Variants in ZNF738 observed in about 807,000 individuals in gnomAD.
ZNF738 encodes the protein zinc finger protein 738, also known as protein ZNF738.
In ZNF738, 10 loss-of-function variants were observed where a neutral mutation model predicts 9.2. That is an observed-to-expected ratio of 1.09 (90% CI 0.67 to 1.85). ZNF738 has a LOEUF of 1.85. Among genes scored for constraint, ZNF738 ranks in the 40% most tolerant of loss-of-function variants. ZNF738 has a pLI of 0.00. For missense variants in ZNF738, 346 were observed against 283.6 expected (o/e 1.22, Z -1.58); for synonymous variants, 113 against 94.5 (o/e 1.20, Z -1.14).
chr19:21,367,039 C>G (rs6511231), intron 2 of ZNF738, among the ~76,000 whole-genome samples: 86,087 of 152,062 alleles, frequency 0.57, 24,669 homozygotes, highest in Middle Eastern at 0.69. Context: ...CTGTGTACCT[C>G]TGACAGATTC....
intron 2 of ZNF738, among the ~76,000 whole-genome samples, chr19:21,374,331 T>C (rs1001417488): frequency 1.3e-5 from 2 of 152,216 alleles, no homozygotes; most frequent in Non-Finnish European, 2.9e-5. Context: ...TTACAGAACA[T>C]AGAAGATATC....
chr19:21,381,619 G>A (rs1006702067), intron 4 of ZNF738: 8 of 519,248 alleles, frequency 1.5e-5, no homozygotes, highest in East Asian at 3.4e-5. Flanking sequence ...TCAGCATCCC[G>A]AGTAGCTGGG....
rs1420888822 is a variant in ZNF738 at position 21,383,192 on chromosome 19, C to CT, written c.650dup (p.Leu217PhefsTer7). 6.3e-7 allele frequency: 1 copy of CT among 1,599,790 alleles called. No individual in the cohort carries two copies. The highest frequency in any genetic ancestry group is 2.2e-5 in the East Asian group (1 of 44,576). On this transcript the variant is annotated frameshift_variant, in exon 5 of 5. Coordinates refer to ENST00000683779, the MANE Select transcript of ZNF738 (RefSeq NM_001355237.2). LOFTEE classifies it low-confidence loss of function (END_TRUNC). ...AAAATGTGGCAAATCATTTTGCATG[C>CT]TTTTACACCTAGGTCAACATAAAAT...
At chr19:21,369,626 T>C (rs1401612853) in intron 2 of ZNF738, among the ~76,000 whole-genome samples, 1 of 152,194 alleles carries the variant, frequency 6.6e-6, no homozygotes, top group Non-Finnish European at 1.5e-5. Flanking sequence ...CACCATTTAT[T>C]AAATACAGAA....
chr19:21,368,521 T>TCA (rs1973816419), intron 2 of ZNF738, among the ~76,000 whole-genome samples: 1 of 152,038 alleles, frequency 6.6e-6, no homozygotes, highest in Non-Finnish European at 1.5e-5. Flanking sequence ...AGTGCAATGG[T>TCA]GCTATCTCGG....
intron 4 of ZNF738, chr19:21,377,885 T>G (rs1229865838): frequency 7.8e-6 from 3 of 382,832 alleles, no homozygotes; most frequent in Middle Eastern, 6.6e-4. Context: ...ACTAATTTTT[T>G]TTGTTGTTCT....
At chr19:21,382,239 CTTCTT>C (rs1334025269) in intron 4 of ZNF738, among the ~76,000 whole-genome samples, 1 of 142,552 alleles carries the variant, frequency 7.0e-6, no homozygotes, top group African/African-American at 2.6e-5. Context: ...TGGCAATTTA[CTTCTT>C]TTTGTTTTTT....
chr19:21,376,245 C>T, intron 4 of ZNF738: 1 of 285,100 alleles, frequency 3.5e-6, no homozygotes, highest in Non-Finnish European at 6.7e-6. Context: ...CTCTTCATGG[C>T]ATATAAAAGA....
intron 1 of ZNF738, among the ~76,000 whole-genome samples, chr19:21,359,558 G>A (rs973618238): frequency 6.6e-6 from 1 of 152,140 alleles, no homozygotes; most frequent in African/African-American, 2.4e-5. Flanking sequence ...GGGAGTCACT[G>A]CAAAAATATT....
At position 21,387,150 on chromosome 19, in the gene ZNF738, T is replaced by G. The variant is rs1256235018; in HGVS notation, c.*3476T>G. On this transcript the variant is annotated 3_prime_UTR_variant, in exon 5 of 5. Transcript: ENST00000683779. ...ATATTGGTGAGAAATCCTAGAAATG[T>G]GAAGAATGTGACAAAGTCTTTAAAT... 1 of 153,706 alleles carries G rather than the reference T, an allele frequency of 6.5e-6. No homozygotes were observed. The highest frequency in any genetic ancestry group is 1.9e-4 in the East Asian group (1 of 5,200). The allele number at this position is 153,706 out of a possible 1,614,324, so 9.5% of individuals were successfully genotyped here.
At chr19:21,373,027 C>A (rs1263036812) in intron 2 of ZNF738, among the ~76,000 whole-genome samples, 1 of 152,172 alleles carries the variant, frequency 6.6e-6, no homozygotes, top group African/African-American at 2.4e-5. Context: ...CTTTCTCTAA[C>A]TAATGCTAAT....
rs1288923217 is a variant in ZNF738, at chr19:21,387,011, C to T, written c.*3337C>T. On this transcript the variant is annotated 3_prime_UTR_variant, in exon 5 of 5. Transcript: ENST00000683779. ...TGAGCCACCACGCTCAGCCACTAGT[C>T]CTCAGATCTTAACACACATAAGATA... The T allele has an allele frequency of 6.6e-6, 1 of 150,776 alleles. No homozygotes were observed. The highest frequency in any genetic ancestry group is 2.4e-5 in the African/African-American group (1 of 40,822). The allele number at this position is 150,776 out of a possible 1,614,324, so 9.3% of individuals were successfully genotyped here.
At chr19:21,379,491 C>T (rs1403342713) in intron 4 of ZNF738, among the ~76,000 whole-genome samples, 1 of 152,160 alleles carries the variant, frequency 6.6e-6, no homozygotes, top group Non-Finnish European at 1.5e-5. Flanking sequence ...AGTAATCACT[C>T]ACTGCACCTG....
At chr19:21,365,723 T>G (rs12972580) in intron 2 of ZNF738, among the ~76,000 whole-genome samples, 85,930 of 151,916 alleles carry the variant, frequency 0.57, 24,594 homozygotes, top group Middle Eastern at 0.68. Flanking sequence ...CTGAGAAGCC[T>G]AGGCGGGTGG....
At chr19:21,367,334 T>A (rs1973797063) in intron 2 of ZNF738, among the ~76,000 whole-genome samples, 1 of 152,136 alleles carries the variant, frequency 6.6e-6, no homozygotes, top group Non-Finnish European at 1.5e-5. Flanking sequence ...ATAATTGAAC[T>A]TGAGAAAGGG....
chr19:21,387,345 C>G lies in ZNF738; in HGVS notation c.*3671C>G, dbSNP rs568585137. Among the ~76,000 whole-genome samples, 1 of 152,130 alleles carries G rather than the reference C, an allele frequency of 6.6e-6. No homozygotes were observed. Among genetic ancestry groups the G allele is most frequent in the Non-Finnish European group, 1.5e-5 (1 of 68,036 alleles). On this transcript the variant is annotated 3_prime_UTR_variant, in exon 5 of 5. Transcript: ENST00000683779. ...CTGGGATTACAGGCACCTGCCACCA[C>G]GCCTGGCTAATTTTTGTACTTTTAG...
chr19:21,382,938 T>TGA lies in ZNF738; in HGVS notation c.397_398dup (p.Tyr134AsnfsTer12). 1.7e-6 allele frequency: 1 copy of TGA among 596,444 alleles called. No individual in the cohort carries two copies. The highest frequency in any genetic ancestry group is 2.8e-4 in the Middle Eastern group (1 of 3,568). The allele number at this position is 596,444 out of a possible 1,614,324, so 36.9% of individuals were successfully genotyped here. A position where few individuals can be genotyped will look rare whatever the true frequency, so the allele number is the denominator to read the frequency against. The stretch of plus-strand genomic sequence containing the variant: ...AAAGATTCTTTCCAAAAAGTGATAC[T>TGA]GAGAGAATATGGAAATTATGGACAT... On this transcript the variant is annotated frameshift_variant, in exon 5 of 5. Transcript: ENST00000683779. LOFTEE classifies it low-confidence loss of function (END_TRUNC).
In ZNF738 at chr19:21,386,555, C is replaced by A; in HGVS notation, c.*2881C>A. Reference sequence around the variant, plus strand: ...AACCAGTCCTACAAACCTTTTTGAACAAAATAATTCATACAGGAGAGAAAC... The same window carrying A: ...AACCAGTCCTACAAACCTTTTTGAAAAAAATAATTCATACAGGAGAGAAAC... On this transcript the variant is annotated 3_prime_UTR_variant, in exon 5 of 5. Coordinates refer to ENST00000683779, the MANE Select transcript of ZNF738 (RefSeq NM_001355237.2). The A allele has an allele frequency of 2.9e-6, 1 of 350,554 alleles. No individual in the cohort carries two copies. The allele number at this position is 350,554 out of a possible 1,614,324, so 21.7% of individuals were successfully genotyped here. A position where few individuals can be genotyped will look rare whatever the true frequency, so the allele number is the denominator to read the frequency against.
rs770932535 is a variant in ZNF738, at chr19:21,375,191, C to T, written c.97-47C>T. On this transcript the variant is annotated intron_variant, in intron 2 of 4. Transcript: ENST00000683779. ...TTAACCTTAATTCAAATGATAAATT[C>T]TGCCCGTGGACACTTGTAAATATGT... is the stretch of plus-strand genomic sequence containing the variant. 1.5e-5 allele frequency: 13 copies of T among 884,014 alleles called. No individual in the cohort carries two copies. The South Asian group carries it at 2.6e-4, about 18-fold the overall frequency. The allele number at this position is 884,014 out of a possible 1,614,324, so 54.8% of individuals were successfully genotyped here. A position where few individuals can be genotyped will look rare whatever the true frequency, so the allele number is the denominator to read the frequency against.
Sources: allele counts gnomAD v4.1 joint callset (sites outside exome capture counted in the v4.1 genomes callset), GRCh38; gene constraint gnomAD v4.1.1; transcripts MANE v1.5; gene names NCBI Gene and HGNC (gene_info 2026-07-23, HGNC 2026-07-21).